MAP1B: variants seen among roughly 807,000 people sequenced by gnomAD.
MAP1B encodes microtubule-associated protein 1B.
Under a neutral mutation model 176.1 loss-of-function variants are expected in MAP1B, and 12 were observed. The observed-to-expected ratio is 0.07, with a 90% CI of 0.04 to 0.11. MAP1B has a LOEUF of 0.11. MAP1B is among the 10% of genes least tolerant of loss of function. The pLI, the probability that MAP1B is intolerant of heterozygous loss-of-function variation, is 1.00. For synonymous variants in MAP1B, 1,044 were observed against 1,135.0 expected (o/e 0.92, Z 1.61); for missense variants, 2,523 against 2,990.5 (o/e 0.84, Z 3.65).
chr5:72,109,632 G>A (rs1745276774), intron 1 of MAP1B, among the ~76,000 whole-genome samples: 1 of 152,230 alleles, frequency 6.6e-6, no homozygotes, highest in South Asian at 2.1e-4. Context: ...TGGGGGCCCA[G>A]AGAGGCAGGA....
rs1298147110 is a variant in MAP1B, at chr5:72,107,494, G to A, written c.-38G>A. ...CCTGCCGCAGTGGAGAGGAGCGGCC[G>A]GAGCGAGACACTTCGCCGAGGCACA... On this transcript the variant is annotated 5_prime_UTR_variant, in exon 1 of 7. Coordinates refer to ENST00000296755, the MANE Select transcript of MAP1B (RefSeq NM_005909.5). The A allele has an allele frequency of 1.1e-5, 17 of 1,512,724 alleles. No homozygotes were observed. The highest frequency in any genetic ancestry group is 8.1e-5 in the Admixed American group (4 of 49,132). The allele number at this position is 1,512,724 out of a possible 1,614,324, so 93.7% of individuals were successfully genotyped here. A position where few individuals can be genotyped will look rare whatever the true frequency, so the allele number is the denominator to read the frequency against.
chr5:72,183,713 C>G, intron 2 of MAP1B, 30 bp from the exon 3 acceptor site: 1 of 1,585,616 alleles, frequency 6.3e-7, no homozygotes, highest in Non-Finnish European at 8.7e-7. Context: ...CTAAAGGTCT[C>G]CTCTTTTGTT....
At chr5:72,125,715 T>C (rs1354143162) in intron 2 of MAP1B, among the ~76,000 whole-genome samples, 1 of 129,372 alleles carries the variant, frequency 7.7e-6, no homozygotes, top group African/African-American at 2.6e-5. Flanking sequence ...TAAAATAATA[T>C]TATCCATGCA....
Position 72,205,486 on chromosome 5 carries a change from T to C in MAP1B, c.*247T>C. The C allele has an allele frequency of 2.3e-6, 1 of 425,852 alleles. No homozygotes were observed. The highest frequency in any genetic ancestry group is 4.4e-5 in the East Asian group (1 of 22,574). 26.4% of individuals were successfully genotyped at this position (425,852 alleles called of 1,614,324 possible). A position where few individuals can be genotyped will look rare whatever the true frequency, so the allele number is the denominator to read the frequency against. On this transcript the variant is annotated 3_prime_UTR_variant, in exon 7 of 7. Transcript: ENST00000296755. ...AAAATTACCTACCCCAGTTCATCTC[T>C]GCTGAACATTTGGAAACCATGCACT... is the stretch of plus-strand genomic sequence containing the variant.
intron 2 of MAP1B, among the ~76,000 whole-genome samples, chr5:72,142,501 C>T (rs565410792): frequency 2.6e-4 from 40 of 152,154 alleles, no homozygotes; most frequent in African/African-American, 8.4e-4. Flanking sequence ...AGCCAGGAGA[C>T]CGGAGCTCGC....
At chr5:72,185,117 C>T (rs114785876) in intron 3 of MAP1B, among the ~76,000 whole-genome samples, 269 of 152,296 alleles carry the variant, frequency 1.8e-3, no homozygotes, top group African/African-American at 6.0e-3. Flanking sequence ...TCATCCATGT[C>T]GTAGCATGTG....
chr5:72,143,933 G>T (rs141519098), intron 2 of MAP1B, among the ~76,000 whole-genome samples: 1 of 152,056 alleles, frequency 6.6e-6, no homozygotes, highest in Non-Finnish European at 1.5e-5. Flanking sequence ...AATACTTGGC[G>T]TACTTGGCTT....
chr5:72,160,218 T>TAAAAA (rs11402347), intron 2 of MAP1B, among the ~76,000 whole-genome samples: 1 of 145,794 alleles, frequency 6.9e-6, no homozygotes, highest in Non-Finnish European at 1.5e-5. Flanking sequence ...GTTGGAAACT[T>TAAAAA]AAAAAAAAAA....
At chr5:72,155,295 A>T (rs925041988) in intron 2 of MAP1B, among the ~76,000 whole-genome samples, 21 of 152,188 alleles carry the variant, frequency 1.4e-4, no homozygotes, top group African/African-American at 4.8e-4. Flanking sequence ...AGGAGCTGGG[A>T]TTTAATCCTG....
intron 1 of MAP1B, among the ~76,000 whole-genome samples, chr5:72,110,564 G>A (rs531823088): frequency 6.6e-6 from 1 of 152,344 alleles, no homozygotes; most frequent in East Asian, 1.9e-4. Context: ...CCAGGTCTCA[G>A]CTGGGCCTCC....
intron 4 of MAP1B, among the ~76,000 whole-genome samples, chr5:72,190,663 A>G (rs1254332216): frequency 6.6e-6 from 1 of 152,228 alleles, no homozygotes; most frequent in East Asian, 1.9e-4. Context: ...AATACAGGCC[A>G]GAAAATGAGA....
At chr5:72,109,847 A>AT (rs1387621816) in intron 1 of MAP1B, among the ~76,000 whole-genome samples, 1 of 152,166 alleles carries the variant, frequency 6.6e-6, no homozygotes, top group African/African-American at 2.4e-5. Flanking sequence ...ATGCTGGGAG[A>AT]TGGTTCAGCA....
In MAP1B at chr5:72,204,863, A is replaced by G. The variant is rs1450930979; in HGVS notation, c.7252-221A>G. Among the ~76,000 whole-genome samples the G allele has an allele frequency of 6.6e-6, 1 of 152,252 alleles. No homozygotes were observed. Among genetic ancestry groups the G allele is most frequent in the Non-Finnish European group, 1.5e-5 (1 of 68,034 alleles). ...AACTGATTAATTGCTTTTTGGTTCC[A>G]GCCTTCAGTTTCCCTTAGAAACAAT... On this transcript the variant is annotated intron_variant, in intron 6 of 6. Coordinates refer to ENST00000296755, the MANE Select transcript of MAP1B (RefSeq NM_005909.5). This position sits in a 1 kb window ranked among gnomAD's most constrained non-coding sequence, Gnocchi z 4.4.
chr5:72,135,141 C>A (rs927065010), intron 2 of MAP1B, among the ~76,000 whole-genome samples: 1 of 151,640 alleles, frequency 6.6e-6, no homozygotes, highest in African/African-American at 2.4e-5. Context: ...TAACAATAAC[C>A]CTGAGTCAGA....
chr5:72,189,375 A>G (rs1746977693), intron 4 of MAP1B, among the ~76,000 whole-genome samples: 1 of 152,192 alleles, frequency 6.6e-6, no homozygotes, highest in Non-Finnish European at 1.5e-5. Flanking sequence ...GTCTCATTGT[A>G]TCTTCAAGGA....
At chr5:72,167,968 G>A (rs1379753678) in intron 2 of MAP1B, among the ~76,000 whole-genome samples, 3 of 152,200 alleles carry the variant, frequency 2.0e-5, no homozygotes, top group South Asian at 2.1e-4. Flanking sequence ...AACTGGAGTC[G>A]GGAATGTGGT....
intron 2 of MAP1B, among the ~76,000 whole-genome samples, chr5:72,179,215 C>G (rs980772138): frequency 2.0e-5 from 3 of 152,178 alleles, no homozygotes; most frequent in African/African-American, 7.2e-5. Flanking sequence ...AAGACTTTTT[C>G]TTATGAAGCG....
At position 72,141,586 on chromosome 5, in the gene MAP1B, G is replaced by T. The variant is rs557608412; in HGVS notation, c.286+25787G>T. Among the ~76,000 whole-genome samples, 63 of 152,280 alleles carry T rather than the reference G, an allele frequency of 4.1e-4. No homozygotes were observed. The Middle Eastern group carries it at 0.01, about 25-fold the overall frequency. On this transcript the variant is annotated intron_variant, in intron 2 of 6. Transcript: ENST00000296755. ...CTCAGAAAGGCCAGGCCTTGTCCTGGGTGAGCCAGCCTCTCAGTACCCTGA... is the reference window on the plus strand; with the variant it reads ...CTCAGAAAGGCCAGGCCTTGTCCTGTGTGAGCCAGCCTCTCAGTACCCTGA...
intron 2 of MAP1B, among the ~76,000 whole-genome samples, chr5:72,141,430 C>G (rs1745945494): frequency 6.6e-6 from 1 of 152,216 alleles, no homozygotes; most frequent in Non-Finnish European, 1.5e-5. Context: ...GAATTCAGAG[C>G]CTTCATGCTG....
Sources: gnomAD v4.1 joint callset for allele counts (sites outside exome capture counted in the v4.1 genomes callset) on GRCh38, gnomAD v4.1.1 for gene constraint, Gnocchi (gnomAD v3.1) non-coding constraint, MANE v1.5 for transcripts, NCBI Gene and HGNC (gene_info 2026-07-23, HGNC 2026-07-21) for gene names.